The following USP22 variants were observed in gnomAD, a reference collection of about 807,000 sequenced individuals.
USP22 encodes the protein ubiquitin carboxyl-terminal hydrolase 22.
In USP22, 22 loss-of-function variants were observed where a neutral mutation model predicts 68.1. The ratio of observed to expected loss-of-function variants is 0.32; its 90% CI spans 0.23 to 0.46. The LOEUF is 0.46. Ranked by LOEUF, USP22 falls within the 20% of genes least tolerant of loss-of-function variation. The probability of loss-of-function intolerance (pLI) is 1.00; values close to 1 mark genes in which losing one functional copy is unlikely to be tolerated. For synonymous variants in USP22, 279 were observed against 274.2 expected, an observed-to-expected ratio of 1.02 and a Z score of -0.17; for missense variants, 433 against 695.8, an observed-to-expected ratio of 0.62 and a Z score of 4.25.
At chr17:21,008,929 T>TA (rs1286709275) in intron 8 of USP22, among the ~76,000 whole-genome samples, 3 of 151,776 alleles carry the variant, frequency 2.0e-5, no homozygotes, top group African/African-American at 7.2e-5. Flanking sequence ...CCGTCTGTAC[T>TA]AAAAATACAA....
At chr17:21,016,483 G>C (rs540993521) in intron 5 of USP22, among the ~76,000 whole-genome samples, 250 of 152,268 alleles carry the variant, frequency 1.6e-3, no homozygotes, top group African/African-American at 5.8e-3. Context: ...AGAATTCAGG[G>C]CAGTTTTATT....
chr17:21,028,663 A>C lies in USP22; in HGVS notation c.183T>G (p.Cys61Trp). 3.1e-6 allele frequency: 5 copies of C among 1,613,852 alleles called. No homozygotes were observed. Among genetic ancestry groups the C allele is most frequent in the Non-Finnish European group, 4.2e-6 (5 of 1,179,962 alleles). The part of the protein sequence containing the change: ...AEARKRKAKS[C>W]ICHVCGVHLN... ...GGTGGACGCCACAGACATGGCAGAT[A>C]CAGGACTTGGCCTGAAATTCAGAGA... The change falls in exon 2 of 13, where the codon TGT becomes TGG. Residue 61 changes from cysteine to tryptophan, a missense_variant. By Grantham distance (215) the Cys-to-Trp change is radical. Transcript: ENST00000261497.
chr17:21,040,604 A>C (rs76622606), intron 1 of USP22, among the ~76,000 whole-genome samples: 1 of 142,768 alleles, frequency 7.0e-6, no homozygotes, highest in Non-Finnish European at 1.5e-5. Flanking sequence ...TAAGTAGCGC[A>C]AAAAAAAAAA....
In USP22 at chr17:21,042,765, G is replaced by T; in HGVS notation, c.71C>A (p.Ser24Ter). 6.7e-7 allele frequency: 1 copy of T among 1,497,506 alleles called. No individual in the cohort carries two copies. Among genetic ancestry groups the T allele is most frequent in the East Asian group, 2.7e-5 (1 of 36,674 alleles). 92.8% of individuals were successfully genotyped at this position (1,497,506 alleles called of 1,614,324 possible). A position where few individuals can be genotyped will look rare whatever the true frequency, so the allele number is the denominator to read the frequency against. Residue 24 changes from serine (S) to a stop codon, truncating the protein, a stop_gained, in exon 1 of 13, where the codon TCG (serine) becomes TAG (stop). Transcript: ENST00000261497. LOFTEE classifies it high-confidence loss of function. ...GTCCACCTTGAAGCTGCCCAGGTGC[G>T]AGCAGCCCGGCGGCGCTACCGCCAG... ...AELAVAPPGC[S>*]HLGSFKVDNW...
At position 21,028,521 on chromosome 17, in the gene USP22, CA is replaced by C. The variant is rs749339530; in HGVS notation, c.304+20del. 6 of 1,612,420 alleles carry C rather than the reference CA, an allele frequency of 3.7e-6. No individual in the cohort carries two copies. The highest frequency in any genetic ancestry group is 5.1e-6 in the Non-Finnish European group (6 of 1,179,292). On this transcript the variant is annotated intron_variant, in intron 2 of 12. Transcript: ENST00000261497. ...AATTTGGGGGCCACAACTATCCCCC[CA>C]TCCCAGAAGCTCGCCTCACCCAGGT...
At chr17:21,018,179 C>T (rs1038107) in intron 4 of USP22, 68 bp from the exon 5 acceptor site, 1,142,594 of 1,466,978 alleles carry the variant, frequency 0.78, 448,355 homozygotes, top group South Asian at 0.83. Flanking sequence ...TGGATCCCAG[C>T]GGCTTCCTCT....
chr17:21,015,685 G>C, intron 6 of USP22, 67 bp downstream of exon 6: 1 of 1,527,624 alleles, frequency 6.5e-7, no homozygotes, highest in Non-Finnish European at 8.8e-7. Flanking sequence ...GCATACACTC[G>C]CTTTGCTTCC....
chr17:21,016,500 C>A (rs1374558752), intron 5 of USP22, among the ~76,000 whole-genome samples: 2 of 152,182 alleles, frequency 1.3e-5, no homozygotes, highest in African/African-American at 2.4e-5. Flanking sequence ...TATTTCTCAT[C>A]AAAAAACCCA....
chr17:21,008,663 G>A (rs1279969749), intron 8 of USP22, among the ~76,000 whole-genome samples: 1 of 152,214 alleles, frequency 6.6e-6, no homozygotes, highest in South Asian at 2.1e-4. Context: ...ATGAATGTCT[G>A]AATCCTGGCC....
chr17:21,007,649 C>T (rs1377205439), intron 9 of USP22, among the ~76,000 whole-genome samples: 1 of 152,158 alleles, frequency 6.6e-6, no homozygotes, highest in Non-Finnish European at 1.5e-5. Context: ...AACTCACATT[C>T]TACTTTCACT....
intron 5 of USP22, among the ~76,000 whole-genome samples, chr17:21,017,066 G>A (rs781283616): frequency 2.0e-5 from 3 of 152,200 alleles, no homozygotes; most frequent in Non-Finnish European, 4.4e-5. Context: ...GGTACTTTGA[G>A]GAAATCGGTT....
At chr17:21,011,052 T>G in intron 8 of USP22, 99 bp downstream of exon 8, 1 of 1,440,128 alleles carries the variant, frequency 6.9e-7, no homozygotes. Flanking sequence ...TTGCCCAGGC[T>G]CTGTCCTGGG....
In USP22 at chr17:21,001,931, G is replaced by GA. The variant is rs1449694718; in HGVS notation, c.*1099dup. 1.3e-5 allele frequency: 2 copies of GA among 152,190 alleles called. No individual in the cohort carries two copies. Among genetic ancestry groups the GA allele is most frequent in the African/African-American group, 2.4e-5 (1 of 41,436 alleles). The allele number at this position is 152,190 out of a possible 1,614,324, so 9.4% of individuals were successfully genotyped here. On this transcript the variant is annotated 3_prime_UTR_variant, in exon 13 of 13. Transcript: ENST00000261497. ...GTGTCATTTTACTGCCACCACGCCC[G>GA]AAAGTACACCAAATGTAAAGCAGAG... is the stretch of plus-strand genomic sequence containing the variant.
intron 6 of USP22, among the ~76,000 whole-genome samples, chr17:21,013,967 A>G (rs899208951): frequency 5.3e-5 from 8 of 152,204 alleles, no homozygotes; most frequent in African/African-American, 1.7e-4. Flanking sequence ...CCAGCTACTC[A>G]GGAGGCTGAG....
chr17:21,014,458 CTAAGTAACTTT>C (rs2143556444), intron 6 of USP22, among the ~76,000 whole-genome samples: 1 of 152,328 alleles, frequency 6.6e-6, no homozygotes, highest in African/African-American at 2.4e-5. Flanking sequence ...ACCTAAGCTA[CTAAGTAACTTT>C]CCTTTGATTT....
upstream of USP22, chr17:21,043,123 A>ACACCCCCCCC (rs1972466791): frequency 1.1e-4 from 2 of 18,886 alleles, no homozygotes; most frequent in Non-Finnish European, 2.2e-4. Context: ...AGATTACGTC[A>ACACCCCCCCC]CCCCCCCCCC....
chr17:21,035,525 A>C (rs969124961), intron 1 of USP22, among the ~76,000 whole-genome samples: 6 of 151,836 alleles, frequency 4.0e-5, no homozygotes, highest in South Asian at 2.1e-4. Flanking sequence ...CAAAAAAAAA[A>C]CAAACCACAA....
At chr17:21,039,708 A>C (rs1972402364) in intron 1 of USP22, among the ~76,000 whole-genome samples, 1 of 152,220 alleles carries the variant, frequency 6.6e-6, no homozygotes, top group Non-Finnish European at 1.5e-5. Context: ...CTTAGATAAC[A>C]AAACTCGTAA....
intron 8 of USP22, 121 bp from the exon 9 acceptor site, chr17:21,008,117 A>T (rs1913835038): frequency 8.2e-7 from 1 of 1,221,590 alleles, no homozygotes; most frequent in Non-Finnish European, 1.1e-6. Context: ...ATACACTTAC[A>T]ACTAAAAATG....
Sources: gnomAD v4.1 joint callset for allele counts (sites outside exome capture counted in the v4.1 genomes callset) on GRCh38, gnomAD v4.1.1 for gene constraint, MANE v1.5 for transcripts, NCBI Gene and HGNC (gene_info 2026-07-23, HGNC 2026-07-21) for gene names.